Variants in WIPF1 observed in about 807,000 individuals in gnomAD.
WIPF1 encodes the protein WAS/WASL-interacting protein family member 1.
Under a neutral mutation model 35.4 loss-of-function variants are expected in WIPF1, and 13 were observed. The observed-to-expected ratio is 0.37, with a 90% CI of 0.24 to 0.58. The LOEUF (loss-of-function observed/expected upper bound fraction) is 0.58, where lower values mean the gene tolerates loss of function less well. Ranked by LOEUF, WIPF1 falls within the 20% of genes least tolerant of loss-of-function variation. WIPF1 has a pLI of 0.74. For synonymous variants in WIPF1, 267 were observed against 266.3 expected, an observed-to-expected ratio of 1.00 and a Z score of -0.02; for missense variants, 591 against 667.0, an observed-to-expected ratio of 0.89 and a Z score of 1.25.
At chr2:174,575,549 CCCG>C in intron 3 of WIPF1, 169 bp from the exon 4 acceptor site, 1 of 1,222,174 alleles carries the variant, frequency 8.2e-7, no homozygotes. Context: ...GTCAGAACTG[CCCG>C]CTCCAGGCAG....
At chr2:174,609,494 C>G (rs945144860) in intron 1 of WIPF1, among the ~76,000 whole-genome samples, 2 of 152,188 alleles carry the variant, frequency 1.3e-5, no homozygotes, top group African/African-American at 4.8e-5. Flanking sequence ...CTGTCACACC[C>G]ACCGTGATCC....
At chr2:174,666,402 G>GT (rs1471505274) in intron 1 of WIPF1, among the ~76,000 whole-genome samples, 3 of 152,188 alleles carry the variant, frequency 2.0e-5, no homozygotes, top group Non-Finnish European at 4.4e-5. Flanking sequence ...TATTCCTACA[G>GT]TTTTTCTGTC....
chr2:174,679,239 G>A (rs897629465), intron 1 of WIPF1, among the ~76,000 whole-genome samples: 2 of 152,168 alleles, frequency 1.3e-5, no homozygotes, highest in African/African-American at 4.8e-5. Flanking sequence ...GGGAGGCCGA[G>A]ATAGGCCGAT....
chr2:174,600,673 G>A (rs139607703), upstream of WIPF1, among the ~76,000 whole-genome samples: 328 of 152,212 alleles, frequency 2.2e-3, 2 homozygotes, highest in African/African-American at 7.1e-3. Context: ...CATAGCATGC[G>A]TCACCGCTTG....
At chr2:174,569,623 A>G (rs1298950449) in intron 5 of WIPF1, among the ~76,000 whole-genome samples, 8 of 152,316 alleles carry the variant, frequency 5.3e-5, no homozygotes, top group Non-Finnish European at 8.8e-5. Flanking sequence ...ACAGATTTCT[A>G]TTTCCCACTG....
At chr2:174,632,692 A>G (rs1317294565) in intron 1 of WIPF1, among the ~76,000 whole-genome samples, 1 of 124,078 alleles carries the variant, frequency 8.1e-6, no homozygotes, top group Non-Finnish European at 1.6e-5. Flanking sequence ...CTAGGCGACA[A>G]GAGCAAAACT....
rs143418923 is a variant in WIPF1 at position 174,575,814 on chromosome 2, C to G, written c.182-434G>C. On this transcript the variant is annotated intron_variant, in intron 3 of 7. Coordinates refer to ENST00000679041, the MANE Select transcript of WIPF1 (RefSeq NM_001375834.1). ...CCAAGACTGTGCCACTGCACTCCAGCCTGGGTGACAGTGAGACCCTGTCTC... is the reference window on the plus strand; with the variant it reads ...CCAAGACTGTGCCACTGCACTCCAGGCTGGGTGACAGTGAGACCCTGTCTC... 4.9e-3 allele frequency among the ~76,000 whole-genome samples: 746 copies of G among 151,928 alleles called. 3 individuals are homozygous for G. Among genetic ancestry groups the G allele is most frequent in the Middle Eastern group, 0.017 (5 of 294 alleles).
In WIPF1 at chr2:174,652,529, T is replaced by C. The variant is rs1455707749; in HGVS notation, c.-39+30245A>G. 3.9e-5 allele frequency among the ~76,000 whole-genome samples: 6 copies of C among 152,330 alleles called. No individual in the cohort carries two copies. The East Asian group carries it at 1.2e-3, about 29-fold the overall frequency. On this transcript the variant is annotated intron_variant, in intron 1 of 8. Coordinates refer to the WIPF1 transcript ENST00000272746. ...GTCTATCTTTGGCCCTTTAGTATTT[T>C]CCTTTGGTGATTTTTCCCATCTCCA...
intron 1 of WIPF1, among the ~76,000 whole-genome samples, chr2:174,604,885 A>T (rs1686110821): frequency 6.6e-6 from 1 of 152,182 alleles, no homozygotes; most frequent in Non-Finnish European, 1.5e-5. Flanking sequence ...CCAGGAATGG[A>T]AAGTGACCAG....
At position 174,654,134 on chromosome 2, in the gene WIPF1, C is replaced by G. The variant is rs77296554; in HGVS notation, c.-39+28640G>C. 1.8e-4 allele frequency among the ~76,000 whole-genome samples: 28 copies of G among 152,232 alleles called. No individual in the cohort carries two copies. In the East Asian group the frequency reaches 4.6e-3, roughly 25 times the overall value. ...GTTTTTAATCATTTAAATTATTTAT[C>G]CTTTATTGTTTAATGCTTTATATCA... On this transcript the variant is annotated intron_variant, in intron 1 of 8. Coordinates refer to the WIPF1 transcript ENST00000272746.
intron 1 of WIPF1, among the ~76,000 whole-genome samples, chr2:174,678,021 GGTAA>G (rs1294598798): frequency 6.6e-6 from 1 of 151,990 alleles, no homozygotes; most frequent in East Asian, 1.9e-4. Context: ...TACCTCTCAG[GGTAA>G]GTGAATATCA....
At chr2:174,642,689 G>A (rs960371836) in intron 1 of WIPF1, among the ~76,000 whole-genome samples, 5 of 148,660 alleles carry the variant, frequency 3.4e-5, no homozygotes, top group Non-Finnish European at 7.4e-5. Context: ...TCCCTCTGTC[G>A]CCCAGGCTGG....
At chr2:174,657,630 C>T (rs762614416) in intron 1 of WIPF1, among the ~76,000 whole-genome samples, 24 of 152,214 alleles carry the variant, frequency 1.6e-4, no homozygotes, top group African/African-American at 4.6e-4. Context: ...CAGTGGCTCA[C>T]GCCTGTAATC....
intron 1 of WIPF1, among the ~76,000 whole-genome samples, chr2:174,653,565 T>C (rs1335536457): frequency 6.6e-6 from 1 of 150,816 alleles, no homozygotes; most frequent in East Asian, 1.9e-4. Context: ...GAAACACCCA[T>C]CTCTACTAAA....
chr2:174,682,538 C>T (rs939916315), intron 1 of WIPF1, among the ~76,000 whole-genome samples: 2 of 152,032 alleles, frequency 1.3e-5, no homozygotes, highest in Non-Finnish European at 2.9e-5. Context: ...CCCGGGCCAT[C>T]AGCGGGCAGC....
chr2:174,628,371 A>G (rs1260684439), intron 1 of WIPF1, among the ~76,000 whole-genome samples: 1 of 152,102 alleles, frequency 6.6e-6, no homozygotes, highest in African/African-American at 2.4e-5. Flanking sequence ...CTTCATCCAT[A>G]CTTACCAATC....
chr2:174,669,575 A>G (rs1042358785), intron 1 of WIPF1, among the ~76,000 whole-genome samples: 1 of 152,234 alleles, frequency 6.6e-6, no homozygotes, highest in African/African-American at 2.4e-5. Context: ...GATACTCAAC[A>G]TACATTAACG....
intron 1 of WIPF1, among the ~76,000 whole-genome samples, chr2:174,595,109 A>AAAAAATATATATATAT (rs1553529785): frequency 3.5e-5 from 2 of 57,746 alleles, no homozygotes; most frequent in African/African-American, 1.8e-4. Context: ...AAAAAAAAAA[A>AAAAAATATATATATAT]ATATATATAT....
intron 1 of WIPF1, among the ~76,000 whole-genome samples, chr2:174,649,232 C>T (rs1363451193): frequency 6.6e-6 from 1 of 152,186 alleles, no homozygotes; most frequent in Admixed American, 6.5e-5. Flanking sequence ...TGGCAACTAG[C>T]TACTTCATCT....
Sources: gnomAD v4.1 joint callset for allele counts (sites outside exome capture counted in the v4.1 genomes callset) on GRCh38, gnomAD v4.1.1 for gene constraint, MANE v1.5 for transcripts, NCBI Gene and HGNC (gene_info 2026-07-23, HGNC 2026-07-21) for gene names.